The following SNCG variants were observed in gnomAD, a reference collection of about 807,000 sequenced individuals.
SNCG encodes the protein gamma-synuclein.
Under a neutral mutation model 16.0 loss-of-function variants are expected in SNCG, and 13 were observed. The ratio of observed to expected loss-of-function variants is 0.81; its 90% CI spans 0.53 to 1.29. SNCG has a LOEUF of 1.29. Among genes scored for constraint, SNCG ranks in the 50% most tolerant of loss-of-function variants. The probability of loss-of-function intolerance (pLI) is 0.00; values close to 1 mark genes in which losing one functional copy is unlikely to be tolerated. For synonymous variants in SNCG, 66 were observed against 66.3 expected, an observed-to-expected ratio of 1.00 and a Z score of 0.02; for missense variants, 154 against 168.5, an observed-to-expected ratio of 0.91 and a Z score of 0.48.
rs776972065 is a variant in SNCG, at chr10:86,959,723, G to T, written c.163+49G>T. ...ACACATGGGGGATAGGACCCCTGGGGCTCCTGCATCCTAGTGCTGGGGCTC... is the reference window on the plus strand; with the variant it reads ...ACACATGGGGGATAGGACCCCTGGGTCTCCTGCATCCTAGTGCTGGGGCTC... On this transcript the variant is annotated intron_variant, in intron 2 of 4. Coordinates refer to ENST00000372017, the MANE Select transcript of SNCG (RefSeq NM_003087.3). The surrounding 1 kb of genome is among the most constrained non-coding windows in gnomAD (Gnocchi z 4.3). 3.9e-5 allele frequency: 59 copies of T among 1,526,264 alleles called. 1 individual carries two copies. Among genetic ancestry groups the T allele is most frequent in the Middle Eastern group, 3.5e-4 (2 of 5,770 alleles). 94.5% of individuals were successfully genotyped at this position (1,526,264 alleles called of 1,614,324 possible).
chr10:86,956,523 G>C (rs1035964974), upstream of SNCG, among the ~76,000 whole-genome samples: 4 of 152,244 alleles, frequency 2.6e-5, no homozygotes, highest in East Asian at 1.9e-4. Flanking sequence ...AGGAGCATCT[G>C]GGGGCTGGGG....
At chr10:86,957,875 C>A, upstream of SNCG, 1 of 1,105,016 alleles carries the variant, frequency 9.0e-7, no homozygotes, top group Non-Finnish European at 1.1e-6. Flanking sequence ...GCGTGGACTT[C>A]GAGGTGGGGC....
chr10:86,961,975 G>C (rs868086087), intron 3 of SNCG, among the ~76,000 whole-genome samples: 1 of 152,220 alleles, frequency 6.6e-6, no homozygotes, highest in Non-Finnish European at 1.5e-5. Context: ...GTGTCTGGCC[G>C]GCATGGAGTG....
upstream of SNCG, among the ~76,000 whole-genome samples, chr10:86,956,493 GGGGGCAGGA>G (rs1844233799): frequency 6.6e-6 from 1 of 152,226 alleles, no homozygotes; most frequent in South Asian, 2.1e-4. Flanking sequence ...TCTGGTGTGT[GGGGGCAGGA>G]GGGTGGAGGT....
chr10:86,961,115 C>A (rs1254795363), intron 3 of SNCG, among the ~76,000 whole-genome samples: 1 of 152,004 alleles, frequency 6.6e-6, no homozygotes, highest in Admixed American at 6.5e-5. Flanking sequence ...AGGCTCTGAG[C>A]ACTGAGAATC....
upstream of SNCG, chr10:86,957,415 C>T: frequency 6.2e-7 from 1 of 1,613,702 alleles, no homozygotes. Flanking sequence ...TCAGCCTCTG[C>T]CTTCCAGACC....
At chr10:86,956,061 G>A (rs1301832385), upstream of SNCG, among the ~76,000 whole-genome samples, 1 of 152,100 alleles carries the variant, frequency 6.6e-6, no homozygotes, top group East Asian at 1.9e-4. Context: ...TCAAAAGGCG[G>A]AAGGTGGCCT....
At chr10:86,956,771 G>A (rs948109046), upstream of SNCG, among the ~76,000 whole-genome samples, 1 of 152,234 alleles carries the variant, frequency 6.6e-6, no homozygotes, top group Non-Finnish European at 1.5e-5. Context: ...TGGAGATGAG[G>A]GGGGACTTAC....
chr10:86,962,304 C>T (rs1044665176), intron 3 of SNCG, among the ~76,000 whole-genome samples: 3 of 152,146 alleles, frequency 2.0e-5, no homozygotes, highest in African/African-American at 7.2e-5. Flanking sequence ...TCCACCCTAC[C>T]CCACCCAGGT....
chr10:86,962,961 C>T lies in SNCG; in HGVS notation c.364-4C>T, dbSNP rs780742186. On this transcript the variant is annotated splice_polypyrimidine_tract_variant and splice_region_variant and intron_variant, in intron 4 of 4. Coordinates refer to ENST00000372017, the MANE Select transcript of SNCG (RefSeq NM_003087.3). ...CTGGGTGTGCAGGTCATTCTCTCTC[C>T]CAGGCCCAGAGTGGGGGAGACTAGA... The T allele has an allele frequency of 5.0e-6, 8 of 1,602,558 alleles. No homozygotes were observed. Among genetic ancestry groups the T allele is most frequent in the Non-Finnish European group, 4.3e-6 (5 of 1,175,668 alleles).
At chr10:86,961,106 G>A (rs771398348) in intron 3 of SNCG, among the ~76,000 whole-genome samples, 6 of 152,250 alleles carry the variant, frequency 3.9e-5, no homozygotes, top group African/African-American at 4.8e-5. Flanking sequence ...TGGAGTCTGA[G>A]GCTCTGAGCA....
At chr10:86,957,397 C>T (rs3750823), upstream of SNCG, 749,175 of 1,612,696 alleles carry the variant, frequency 0.46, 178,620 homozygotes, top group East Asian at 0.7. Flanking sequence ...GGGTCCTTGC[C>T]GGTGTCCTCA....
chr10:86,957,274 A>G, upstream of SNCG: 1 of 1,228,188 alleles, frequency 8.1e-7, no homozygotes, highest in Non-Finnish European at 1.2e-6. Context: ...CTATTAGCCC[A>G]TTTCACAGAT....
rs7074886 is a variant in SNCG at position 86,963,019 on chromosome 10, C to A, written c.*34C>A. ...AGGCCAGCGTGGATGACCTGAAGAG[C>A]GCTCCTCTGCCTTGGACACCATCCC... On this transcript the variant is annotated 3_prime_UTR_variant, in exon 5 of 5. Transcript: ENST00000372017. 8.2e-6 allele frequency: 13 copies of A among 1,589,164 alleles called. No individual in the cohort carries two copies. Among genetic ancestry groups the A allele is most frequent in the Non-Finnish European group, 6.0e-6 (7 of 1,167,794 alleles).
At chr10:86,957,815 C>G (rs1247671834), upstream of SNCG, 3 of 1,238,840 alleles carry the variant, frequency 2.4e-6, no homozygotes, top group Non-Finnish European at 3.0e-6. Flanking sequence ...TGGGGTGGCC[C>G]CACCAAATGC....
At chr10:86,962,724 A>T (rs994146081) in intron 4 of SNCG, 49 bp downstream of exon 4, 4 of 1,475,626 alleles carry the variant, frequency 2.7e-6, no homozygotes, top group Non-Finnish European at 3.7e-6. Flanking sequence ...CTTGGTAGGG[A>T]CCCCATCCCC....
Position 86,959,250 on chromosome 10 carries a change from T to C in SNCG, c.122-383T>C. On this transcript the variant is annotated intron_variant, in intron 1 of 4. Coordinates refer to ENST00000372017, the MANE Select transcript of SNCG (RefSeq NM_003087.3). The surrounding 1 kb of genome is among the most constrained non-coding windows in gnomAD (Gnocchi z 4.3). Reference sequence around the variant, plus strand: ...TGGGGGATGAAACCTAGGCTCAGTGTTCCCTCCCCCGCATCCTCTCCTGGC... The same window carrying C: ...TGGGGGATGAAACCTAGGCTCAGTGCTCCCTCCCCCGCATCCTCTCCTGGC... 1 of 363,172 alleles carries C rather than the reference T, an allele frequency of 2.8e-6. No individual in the cohort carries two copies. Among genetic ancestry groups the C allele is most frequent in the South Asian group, 4.2e-5 (1 of 23,702 alleles). The allele number at this position is 363,172 out of a possible 1,614,324, so 22.5% of individuals were successfully genotyped here.
chr10:86,957,751 G>A, upstream of SNCG: 1 of 1,368,018 alleles, frequency 7.3e-7, no homozygotes, highest in African/African-American at 1.5e-5. Flanking sequence ...AACCACACAA[G>A]CCAGTTCCTG....
chr10:86,960,114 G>C lies in SNCG; in HGVS notation c.277G>C (p.Gly93Arg), dbSNP rs771675313. 1 of 1,612,292 alleles carries C rather than the reference G, an allele frequency of 6.2e-7. No homozygotes were observed. Among genetic ancestry groups the C allele is most frequent in the Non-Finnish European group, 8.5e-7 (1 of 1,179,314 alleles). Residue 93 changes from glycine to arginine, a missense_variant, in exon 3 of 5, where the codon GGG (glycine) becomes CGG (arginine). Coordinates refer to ENST00000372017, the MANE Select transcript of SNCG (RefSeq NM_003087.3). Reference protein sequence around the residue: ...EEAENIAVTSGVVRKEDLRPS... With the variant: ...EEAENIAVTSRVVRKEDLRPS... ...GGCGGAGAACATCGCGGTCACCTCC[G>C]GGGTGGTGCGCAAGGTGAGCCCCGG...
Sources: gnomAD v4.1 joint callset for allele counts (sites outside exome capture counted in the v4.1 genomes callset) on GRCh38, gnomAD v4.1.1 for gene constraint, Gnocchi (gnomAD v3.1) non-coding constraint, MANE v1.5 for transcripts, NCBI Gene and HGNC (gene_info 2026-07-23, HGNC 2026-07-21) for gene names.